NELFCD: variants seen among roughly 807,000 people sequenced by gnomAD.
NELFCD encodes negative elongation factor C/D.
NELFCD carries 48 observed loss-of-function variants against 72.9 expected under a neutral mutation model. The observed-to-expected ratio is 0.66, with a 90% CI of 0.52 to 0.84. The LOEUF is 0.84. NELFCD is among the 40% of genes least tolerant of loss of function. The probability of loss-of-function intolerance (pLI) is 0.00; values close to 1 mark genes in which losing one functional copy is unlikely to be tolerated. For missense variants in NELFCD, 538 were observed against 723.8 expected (o/e 0.74, Z 2.94); for synonymous variants, 297 against 280.6 (o/e 1.06, Z -0.59).
chr20:58,987,745 T>C lies in NELFCD; in HGVS notation c.324T>C (p.Asn108=). ...TGCAGGTTCAGGAAACTGTGGAAAATCACTTGAAGAGTTTGCTGATCAAAC... is the reference window on the plus strand; with the variant it reads ...TGCAGGTTCAGGAAACTGTGGAAAACCACTTGAAGAGTTTGCTGATCAAAC... ...EPVQVQETVE[N]HLKSLLIKHF... Residue 108 remains asparagine (N), a synonymous_variant, in exon 4 of 15, where the codon AAT becomes AAC. Transcript: ENST00000652272. The C allele has an allele frequency of 6.2e-7, 1 of 1,614,172 alleles. No individual in the cohort carries two copies. The highest frequency in any genetic ancestry group is 8.5e-7 in the Non-Finnish European group (1 of 1,180,036).
At chr20:58,981,602 T>C (rs961660605) in intron 1 of NELFCD, among the ~76,000 whole-genome samples, 1 of 149,816 alleles carries the variant, frequency 6.7e-6, no homozygotes, top group Non-Finnish European at 1.5e-5. Flanking sequence ...TGCAGGACCT[T>C]GGGGTGGGGG....
chr20:58,994,267 A>G (rs1459070540), intron 14 of NELFCD, 28 bp downstream of exon 14: 2 of 1,608,322 alleles, frequency 1.2e-6, no homozygotes, highest in Non-Finnish European at 1.7e-6. Flanking sequence ...GCCCTTTACT[A>G]CAATAGAAAA....
chr20:58,990,557 G>A (rs969843210), intron 7 of NELFCD: 1 of 214,124 alleles, frequency 4.7e-6, no homozygotes, highest in Non-Finnish European at 9.4e-6. Flanking sequence ...TGGAGTTATG[G>A]GCCTGGGCTT....
At position 58,992,353 on chromosome 20, in the gene NELFCD, T is replaced by C. The variant is rs950832089; in HGVS notation, c.1229+333T>C. Among the ~76,000 whole-genome samples the C allele has an allele frequency of 3.9e-5, 6 of 152,214 alleles. No individual in the cohort carries two copies. The East Asian group carries it at 1.2e-3, about 29-fold the overall frequency. ...AAATGATTTGTGATTATGCCAATCA[T>C]ATAAATAGACGTGTCCTAGAAATAG... On this transcript the variant is annotated intron_variant, in intron 10 of 14. Coordinates refer to ENST00000652272, the MANE Select transcript of NELFCD (RefSeq NM_198976.4).
In NELFCD at chr20:58,989,692, T is replaced by C. The variant is rs1465073984; in HGVS notation, c.657+52T>C. On this transcript the variant is annotated intron_variant, in intron 6 of 14. Transcript: ENST00000652272. Reference sequence around the variant, plus strand: ...ATTAGAAGGAGGCTGCTTTGGGTCTTGGTTTTCAAGCATGAGATGCTCCTT... The same window carrying C: ...ATTAGAAGGAGGCTGCTTTGGGTCTCGGTTTTCAAGCATGAGATGCTCCTT... 1.9e-6 allele frequency: 3 copies of C among 1,613,016 alleles called. No homozygotes were observed. In the African/African-American group the frequency reaches 4.0e-5, roughly 22 times the overall value.
chr20:58,993,270 T>C lies in NELFCD; in HGVS notation c.1344+158T>C. 2 of 816,636 alleles carry C rather than the reference T, an allele frequency of 2.4e-6. No homozygotes were observed. Among genetic ancestry groups the C allele is most frequent in the South Asian group, 1.7e-5 (1 of 57,338 alleles). 50.6% of individuals were successfully genotyped at this position (816,636 alleles called of 1,614,324 possible). ...TTTTCCTCTTAAGGACCTAGCTTCA[T>C]TGACTGCAGAAATTTCTTAACCTCA... is the stretch of plus-strand genomic sequence containing the variant. On this transcript the variant is annotated intron_variant, in intron 11 of 14. Transcript: ENST00000652272. This position sits in a 1 kb window ranked among gnomAD's most constrained non-coding sequence, Gnocchi z 5.0.
chr20:58,984,834 G>A (rs2091761108), intron 1 of NELFCD, among the ~76,000 whole-genome samples: 1 of 152,194 alleles, frequency 6.6e-6, no homozygotes, highest in African/African-American at 2.4e-5. Context: ...GTAGGTGAGT[G>A]CCCAGGGTGG....
At chr20:58,984,239 G>C (rs1052828328) in intron 1 of NELFCD, among the ~76,000 whole-genome samples, 16 of 152,168 alleles carry the variant, frequency 1.1e-4, no homozygotes, top group Admixed American at 9.8e-4. Flanking sequence ...ACGGACAGGG[G>C]AAGTGGGAAG....
At position 58,987,902 on chromosome 20, in the gene NELFCD, G is replaced by A. The variant is rs978014738; in HGVS notation, c.396+85G>A. 5.4e-5 allele frequency: 52 copies of A among 955,838 alleles called. 1 individual carries two copies. The Admixed American group carries it at 7.2e-4, about 13-fold the overall frequency. 59.2% of individuals were successfully genotyped at this position (955,838 alleles called of 1,614,324 possible). On this transcript the variant is annotated intron_variant, in intron 4 of 14. Coordinates refer to ENST00000652272, the MANE Select transcript of NELFCD (RefSeq NM_198976.4). ...TGTACAGTGGAGCGTGGCATATCAT[G>A]TAAGTAATGGCAGAGTTGAGGACTA...
At chr20:58,992,675 A>G (rs163783) in intron 10 of NELFCD, among the ~76,000 whole-genome samples, 2 of 151,922 alleles carry the variant, frequency 1.3e-5, no homozygotes, top group Non-Finnish European at 2.9e-5. Context: ...GCAAGAAAAT[A>G]GTTTGAGCCC....
Position 58,981,295 on chromosome 20 carries a change from G to A in NELFCD, c.-15G>A, listed in dbSNP as rs1321860470. The stretch of plus-strand genomic sequence containing the variant: ...CTCGCGGGAGGGCATGGCGGGGGCC[G>A]TGCCGGGCGCCATCATGGACGAGGA... On this transcript the variant is annotated 5_prime_UTR_variant, in exon 1 of 15. In the 5' UTR this introduces an upstream ATG that the reference lacks. Coordinates refer to ENST00000652272, the MANE Select transcript of NELFCD (RefSeq NM_198976.4). 2 of 1,072,188 alleles carry A rather than the reference G, an allele frequency of 1.9e-6. No homozygotes were observed. The highest frequency in any genetic ancestry group is 2.3e-6 in the Non-Finnish European group (2 of 883,896). 66.4% of individuals were successfully genotyped at this position (1,072,188 alleles called of 1,614,324 possible).
Position 58,994,632 on chromosome 20 carries a change from C to G in NELFCD, c.1712-10C>G, listed in dbSNP as rs1205574813. 5 of 1,602,504 alleles carry G rather than the reference C, an allele frequency of 3.1e-6. No homozygotes were observed. Among genetic ancestry groups the G allele is most frequent in the Non-Finnish European group, 4.3e-6 (5 of 1,170,386 alleles). On this transcript the variant is annotated splice_polypyrimidine_tract_variant and intron_variant, in intron 14 of 14. Coordinates refer to ENST00000652272, the MANE Select transcript of NELFCD (RefSeq NM_198976.4). ...TGTTTCTAACACAGTCACTGTTTTC[C>G]TCGTTAAAGCTCACTGCAAATCTAA...
chr20:58,990,026 G>C (rs759933370), intron 7 of NELFCD, 38 bp downstream of exon 7: 5 of 1,603,278 alleles, frequency 3.1e-6, no homozygotes, highest in Non-Finnish European at 2.5e-6. Context: ...TTCCTTCCTA[G>C]TGCTCCCCAC....
chr20:58,993,859 CT>C lies in NELFCD; in HGVS notation c.1581+96del. The C allele has an allele frequency of 7.2e-7, 1 of 1,387,384 alleles. No homozygotes were observed. Among genetic ancestry groups the C allele is most frequent in the Non-Finnish European group, 1.0e-6 (1 of 1,002,454 alleles). 85.9% of individuals were successfully genotyped at this position (1,387,384 alleles called of 1,614,324 possible). A position where few individuals can be genotyped will look rare whatever the true frequency, so the allele number is the denominator to read the frequency against. On this transcript the variant is annotated intron_variant, in intron 13 of 14. Coordinates refer to ENST00000652272, the MANE Select transcript of NELFCD (RefSeq NM_198976.4). The surrounding 1 kb of genome is among the most constrained non-coding windows in gnomAD (Gnocchi z 5.0). ...AGTTCATTTTGTACCTAACTGAGAA[CT>C]GTGCTTTCTGATGTAGTGATGACAA... is the stretch of plus-strand genomic sequence containing the variant.
Position 58,989,573 on chromosome 20 carries a change from G to A in NELFCD, c.590G>A (p.Arg197Gln), listed in dbSNP as rs1170618128. 1.2e-6 allele frequency: 2 copies of A among 1,614,118 alleles called. No individual in the cohort carries two copies. The highest frequency in any genetic ancestry group is 1.1e-5 in the South Asian group (1 of 91,078). ...CTAGAAGTGTTCTCGAGAGTGCTCC[G>A]GACCTCTCTAGCTACAATTTTAGAT... The part of the protein sequence containing the change: ...QQLEVFSRVL[R>Q]TSLATILDGG... Residue 197 changes from arginine (R) to glutamine (Q), a missense_variant, in exon 6 of 15, where the codon CGG becomes CAG. Physicochemically the swap from Arg to Gln is conservative, Grantham distance 43. Around this residue, in one of 3 missense-constraint regions of NELFCD, gnomAD observed 355 missense variants for 534.5 expected, o/e 0.66. Coordinates refer to ENST00000652272, the MANE Select transcript of NELFCD (RefSeq NM_198976.4).
At chr20:58,981,409 C>T in intron 1 of NELFCD, 40 bp downstream of exon 1, 1 of 942,808 alleles carries the variant, frequency 1.1e-6, no homozygotes, top group African/African-American at 1.8e-5. Flanking sequence ...GAGAATCGTT[C>T]GTCTCCGCCG....
chr20:58,990,265 C>T (rs530960803), intron 7 of NELFCD: 31 of 369,290 alleles, frequency 8.4e-5, no homozygotes, highest in African/African-American at 5.9e-4. Flanking sequence ...CCGGGTGTGG[C>T]GGCACATGCC....
At chr20:58,991,218 G>C (rs969893882) in intron 8 of NELFCD, 94 bp from the exon 9 acceptor site, 2 of 1,577,894 alleles carry the variant, frequency 1.3e-6, no homozygotes, top group Non-Finnish European at 1.7e-6. Context: ...CCTGGAGCCT[G>C]TTGGGCCCCT....
chr20:58,991,500 T>C, intron 9 of NELFCD, 54 bp downstream of exon 9: 1 of 1,599,280 alleles, frequency 6.3e-7, no homozygotes, highest in Non-Finnish European at 8.6e-7. Context: ...TATCCTCCTC[T>C]GCTTTGATAT....
Sources: gnomAD v4.1 joint callset for allele counts (sites outside exome capture counted in the v4.1 genomes callset) on GRCh38, gnomAD v4.1.1 for gene constraint, gnomAD v4.1.1 regional missense constraint, Gnocchi (gnomAD v3.1) non-coding constraint, MANE v1.5 for transcripts, NCBI Gene and HGNC (gene_info 2026-07-23, HGNC 2026-07-21) for gene names.